The following KCNIP3 variants were observed in gnomAD, a reference collection of about 807,000 sequenced individuals.
KCNIP3 encodes the protein potassium voltage-gated channel interacting protein 3.
KCNIP3 carries 28 observed loss-of-function variants against 35.0 expected under a neutral mutation model. The observed-to-expected ratio is 0.80, with a 90% CI of 0.59 to 1.10. The LOEUF is 1.10. Among genes scored for constraint, KCNIP3 ranks in the 50% least tolerant of loss-of-function variants. The pLI, the probability that KCNIP3 is intolerant of heterozygous loss-of-function variation, is 0.00. For missense variants in KCNIP3, 295 were observed against 338.4 expected (o/e 0.87, Z 1.01); for synonymous variants, 134 against 133.8 (o/e 1.00, Z -0.01).
chr2:95,373,428 T>G (rs1398725028), intron 2 of KCNIP3, among the ~76,000 whole-genome samples: 2 of 138,562 alleles, frequency 1.4e-5, no homozygotes, highest in African/African-American at 5.4e-5. Flanking sequence ...TTTTTTTTTT[T>G]TTTTTTTTTT....
chr2:95,345,890 G>A (rs1679342888), intron 2 of KCNIP3, among the ~76,000 whole-genome samples: 1 of 152,226 alleles, frequency 6.6e-6, no homozygotes, highest in Non-Finnish European at 1.5e-5. Flanking sequence ...CCCTTGCCCT[G>A]CCCGTGCGTG....
chr2:95,374,565 C>G lies in KCNIP3; in HGVS notation c.306+145C>G, dbSNP rs958470732. The G allele has an allele frequency of 7.4e-6, 8 of 1,076,816 alleles. No homozygotes were observed. In the East Asian group the frequency reaches 1.6e-4, roughly 21 times the overall value. The allele number at this position is 1,076,816 out of a possible 1,614,324, so 66.7% of individuals were successfully genotyped here. ...AAAGCTGTGTGGCGGGGGCAGGCTC[C>G]GGAATGGGCATCGCTGAGGCCGCCA... On this transcript the variant is annotated intron_variant, in intron 3 of 8. Transcript: ENST00000295225.
At chr2:95,325,352 C>T (rs112011299) in intron 2 of KCNIP3, among the ~76,000 whole-genome samples, 1,672 of 152,152 alleles carry the variant, frequency 0.011, 18 homozygotes, top group Middle Eastern at 0.041. Flanking sequence ...AGCAGGAGGG[C>T]GGGTGCGGAA....
intron 3 of KCNIP3, 86 bp downstream of exon 3, chr2:95,374,506 C>A: frequency 1.3e-6 from 2 of 1,499,936 alleles, no homozygotes; most frequent in Non-Finnish European, 1.8e-6. Context: ...CAGTAAATAT[C>A]CCAGGGGCCT....
chr2:95,306,020 G>C (rs764387721), intron 1 of KCNIP3, among the ~76,000 whole-genome samples: 5 of 152,210 alleles, frequency 3.3e-5, no homozygotes, highest in Non-Finnish European at 5.9e-5. Flanking sequence ...AAAATACCGT[G>C]GTCGGGCTCT....
chr2:95,380,806 G>T (rs569219453), intron 5 of KCNIP3, among the ~76,000 whole-genome samples: 54 of 152,296 alleles, frequency 3.5e-4, no homozygotes, highest in African/African-American at 1.3e-3. Context: ...CTTGGGGCCA[G>T]GAGTTGGAGA....
chr2:95,303,742 G>A (rs1019757566), intron 1 of KCNIP3, among the ~76,000 whole-genome samples: 3 of 152,192 alleles, frequency 2.0e-5, no homozygotes, highest in African/African-American at 4.8e-5. Context: ...CAGCTGGGGC[G>A]GCTGTGCCCT....
chr2:95,345,419 C>CAG (rs1573502934), intron 2 of KCNIP3, among the ~76,000 whole-genome samples: 2 of 152,268 alleles, frequency 1.3e-5, no homozygotes, highest in East Asian at 3.8e-4. Context: ...CGCAGCCACG[C>CAG]GCCGCGGCTC....
At chr2:95,365,306 C>A (rs1423059596) in intron 2 of KCNIP3, among the ~76,000 whole-genome samples, 1 of 152,040 alleles carries the variant, frequency 6.6e-6, no homozygotes, top group South Asian at 2.1e-4. Flanking sequence ...GGATTACAGG[C>A]GTGCACCACT....
chr2:95,306,225 C>T (rs1181858899), intron 1 of KCNIP3, among the ~76,000 whole-genome samples: 1 of 152,244 alleles, frequency 6.6e-6, no homozygotes, highest in African/African-American at 2.4e-5. Context: ...TCCTCCTCTG[C>T]GTTGCCAGAA....
chr2:95,351,803 G>A (rs1679531939), intron 2 of KCNIP3, among the ~76,000 whole-genome samples: 1 of 152,120 alleles, frequency 6.6e-6, no homozygotes, highest in African/African-American at 2.4e-5. Context: ...AACATAGCAA[G>A]ACCCTGTCTC....
intron 2 of KCNIP3, among the ~76,000 whole-genome samples, chr2:95,326,046 TACAC>T (rs146126000): frequency 6.7e-6 from 1 of 149,256 alleles, no homozygotes; most frequent in Non-Finnish European, 1.5e-5. Context: ...TACACTCATA[TACAC>T]ACACACATAC....
chr2:95,362,743 C>T (rs1455028692), intron 2 of KCNIP3, among the ~76,000 whole-genome samples: 1 of 152,212 alleles, frequency 6.6e-6, no homozygotes, highest in Non-Finnish European at 1.5e-5. Flanking sequence ...TGCTCACCTG[C>T]CGCCCACCTC....
chr2:95,379,053 C>T (rs1026886107), intron 5 of KCNIP3, among the ~76,000 whole-genome samples: 1 of 152,006 alleles, frequency 6.6e-6, no homozygotes, highest in African/African-American at 2.4e-5. Flanking sequence ...CAGAAGCTTG[C>T]TTCCACTTTT....
intron 2 of KCNIP3, among the ~76,000 whole-genome samples, chr2:95,325,774 TACACACACTCATACACACTCATAC>T (rs1678737987): frequency 7.0e-6 from 1 of 143,798 alleles, no homozygotes; most frequent in Admixed American, 6.9e-5. Flanking sequence ...CACACTCATA[TACACACACTCATACACACTCATAC>T]ACACATACAC....
chr2:95,372,425 G>A lies in KCNIP3; in HGVS notation c.182-1871G>A, dbSNP rs141047323. ...AGTCTATGTGGGATGCTTGCCTGGC[G>A]TGGGATGCTGGTTTACAGGGTTTGC... On this transcript the variant is annotated intron_variant, in intron 2 of 8. Transcript: ENST00000295225. 3.5e-3 allele frequency among the ~76,000 whole-genome samples: 536 copies of A among 152,318 alleles called. 4 individuals are homozygous for A. Among genetic ancestry groups the A allele is most frequent in the African/African-American group, 0.012 (510 of 41,558 alleles).
chr2:95,318,884 T>C (rs1370951919), intron 2 of KCNIP3, among the ~76,000 whole-genome samples: 1 of 152,124 alleles, frequency 6.6e-6, no homozygotes, highest in East Asian at 1.9e-4. Context: ...GGTGTAGACA[T>C]GTGACATGTA....
In KCNIP3 at chr2:95,374,926, G is replaced by C. The variant is rs977527965; in HGVS notation, c.376+9G>C. 9.9e-6 allele frequency: 16 copies of C among 1,613,640 alleles called. No homozygotes were observed. The highest frequency in any genetic ancestry group is 1.4e-5 in the Non-Finnish European group (16 of 1,179,902). ...GTTCTTCCCTCAGGGAGGTGAGTCTGAGGCAGGGCAGCCCTGCTGTGTCCC... is the reference window on the plus strand; with the variant it reads ...GTTCTTCCCTCAGGGAGGTGAGTCTCAGGCAGGGCAGCCCTGCTGTGTCCC... On this transcript the variant is annotated intron_variant, in intron 4 of 8. Coordinates refer to ENST00000295225, the MANE Select transcript of KCNIP3 (RefSeq NM_013434.5).
chr2:95,366,364 G>A (rs770976044), intron 2 of KCNIP3, among the ~76,000 whole-genome samples: 2 of 152,140 alleles, frequency 1.3e-5, no homozygotes, highest in African/African-American at 2.4e-5. Flanking sequence ...TGTTTTGCGT[G>A]TGTCAGGAGT....
Sources: gnomAD v4.1 joint callset for allele counts (sites outside exome capture counted in the v4.1 genomes callset) on GRCh38, gnomAD v4.1.1 for gene constraint, MANE v1.5 for transcripts, NCBI Gene and HGNC (gene_info 2026-07-23, HGNC 2026-07-21) for gene names.